The following DOCK3 variants were observed in gnomAD, a reference collection of about 807,000 sequenced individuals.
The protein encoded by DOCK3 is dedicator of cytokinesis protein 3.
A neutral mutation model predicts 265.6 loss-of-function variants in DOCK3; 60 were observed. The observed-to-expected ratio is 0.23, with a 90% CI of 0.18 to 0.28. The LOEUF (loss-of-function observed/expected upper bound fraction) is 0.28, where lower values mean the gene tolerates loss of function less well. Ranked by LOEUF, DOCK3 falls within the 10% of genes least tolerant of loss-of-function variation. The pLI is 1.00. For missense variants in DOCK3, 1,981 were observed against 2,594.3 expected (o/e 0.76, Z 5.14); for synonymous variants, 881 against 938.0 (o/e 0.94, Z 1.11).
intron 5 of DOCK3, among the ~76,000 whole-genome samples, chr3:51,006,015 C>T (rs2078663854): frequency 6.6e-6 from 1 of 152,166 alleles, no homozygotes; most frequent in Non-Finnish European, 1.5e-5. Context: ...TTTTAGTTCA[C>T]TCCAGCTACC....
intron 10 of DOCK3, among the ~76,000 whole-genome samples, chr3:51,152,645 G>A (rs1351217140): frequency 2.6e-5 from 4 of 152,286 alleles, no homozygotes; most frequent in Middle Eastern, 3.4e-3. Flanking sequence ...TCTAACTTTG[G>A]TATTTTATGC....
chr3:50,853,156 A>G (rs549825535), intron 3 of DOCK3, among the ~76,000 whole-genome samples: 1 of 152,268 alleles, frequency 6.6e-6, no homozygotes, highest in Non-Finnish European at 1.5e-5. Context: ...TTTAGTACCT[A>G]TTAATCAACT....
At chr3:50,683,302 A>G (rs2034541900) in intron 1 of DOCK3, among the ~76,000 whole-genome samples, 1 of 152,252 alleles carries the variant, frequency 6.6e-6, no homozygotes, top group South Asian at 2.1e-4. Flanking sequence ...TATTTAGCTC[A>G]TGAGTACAAC....
At chr3:50,781,742 A>G (rs1307334316) in intron 2 of DOCK3, among the ~76,000 whole-genome samples, 2 of 152,076 alleles carry the variant, frequency 1.3e-5, no homozygotes, top group Non-Finnish European at 2.9e-5. Flanking sequence ...TAAGCCTAGT[A>G]TCCATTAGTT....
intron 1 of DOCK3, among the ~76,000 whole-genome samples, chr3:50,683,581 T>C (rs2034562252): frequency 6.6e-6 from 1 of 152,208 alleles, no homozygotes; most frequent in Admixed American, 6.5e-5. Context: ...GTGAACTTGA[T>C]AATGTTTGGG....
chr3:50,677,327 A>AT lies in DOCK3; in HGVS notation c.37+2035dup, dbSNP rs544676984. Among the ~76,000 whole-genome samples the AT allele has an allele frequency of 2.0e-3, 307 of 152,144 alleles. 4 individuals are homozygous for AT. The highest frequency in any genetic ancestry group is 6.3e-3 in the African/African-American group (263 of 41,510). On this transcript the variant is annotated intron_variant, in intron 1 of 52. Transcript: ENST00000266037. ...GTAAATTGTTTAAAACTCAGGACAC[A>AT]TTTTTTTTCATAAGGATGTTAGGGC... is the stretch of plus-strand genomic sequence containing the variant.
chr3:51,158,819 A>C (rs1158094849), intron 10 of DOCK3, among the ~76,000 whole-genome samples: 2 of 152,206 alleles, frequency 1.3e-5, no homozygotes, highest in Non-Finnish European at 2.9e-5. Context: ...AATCAATGTA[A>C]AATTAGTGGA....
At chr3:50,989,327 C>T (rs976059111) in intron 5 of DOCK3, among the ~76,000 whole-genome samples, 1 of 152,148 alleles carries the variant, frequency 6.6e-6, no homozygotes, top group Non-Finnish European at 1.5e-5. Context: ...CTGAGATTGC[C>T]CCAGAGCTAC....
Position 51,380,066 on chromosome 3 carries a change from G to A in DOCK3, c.5501-59G>A, listed in dbSNP as rs1202004143. The stretch of plus-strand genomic sequence containing the variant: ...TGCCCAGTTGGCCCAGCAAGATGGT[G>A]CTGGCATGAAGTCTGTGCAGGGCCC... On this transcript the variant is annotated intron_variant, in intron 51 of 52. Transcript: ENST00000266037. 26 of 1,532,280 alleles carry A rather than the reference G, an allele frequency of 1.7e-5. No homozygotes were observed. The South Asian group carries it at 1.8e-4, about 11-fold the overall frequency. 94.9% of individuals were successfully genotyped at this position (1,532,280 alleles called of 1,614,324 possible).
chr3:50,877,268 AT>A (rs1389843081), intron 3 of DOCK3: 1 of 340,952 alleles, frequency 2.9e-6, no homozygotes, highest in African/African-American at 2.2e-5. Flanking sequence ...TCTTTCTTTG[AT>A]TTCTTACTCT....
In DOCK3 at chr3:51,358,093, T is replaced by C. The variant is rs976458166; in HGVS notation, c.4884+16T>C. On this transcript the variant is annotated intron_variant, in intron 46 of 52. Coordinates refer to ENST00000266037, the MANE Select transcript of DOCK3 (RefSeq NM_004947.5). Reference sequence around the variant, plus strand: ...TCTCTACCATGTAAGTTGATCCCTGTCCTGCCCCTGCTGCAGTAGAACCAG... The same window carrying C: ...TCTCTACCATGTAAGTTGATCCCTGCCCTGCCCCTGCTGCAGTAGAACCAG... The C allele has an allele frequency of 4.3e-6, 7 of 1,610,930 alleles. No homozygotes were observed. The highest frequency in any genetic ancestry group is 5.9e-6 in the Non-Finnish European group (7 of 1,177,778).
chr3:51,358,884 A>T (rs748856766), intron 46 of DOCK3, among the ~76,000 whole-genome samples: 1 of 152,218 alleles, frequency 6.6e-6, no homozygotes, highest in African/African-American at 2.4e-5. Flanking sequence ...CCCTATTCAC[A>T]TATCCAAACC....
At chr3:51,150,082 C>T (rs1478470831) in intron 10 of DOCK3, among the ~76,000 whole-genome samples, 1 of 152,070 alleles carries the variant, frequency 6.6e-6, no homozygotes, top group Non-Finnish European at 1.5e-5. Context: ...GTGTATGTGT[C>T]CAGGAATTTA....
intron 5 of DOCK3, among the ~76,000 whole-genome samples, chr3:51,030,909 T>C (rs904183434): frequency 6.6e-6 from 1 of 152,216 alleles, no homozygotes; most frequent in South Asian, 2.1e-4. Flanking sequence ...AAATCTCTGA[T>C]TGGGAAAATG....
chr3:51,262,417 C>A (rs2079906594), intron 23 of DOCK3, among the ~76,000 whole-genome samples: 1 of 152,174 alleles, frequency 6.6e-6, no homozygotes, highest in Non-Finnish European at 1.5e-5. Flanking sequence ...CGAAGGTCAA[C>A]AACATCAAAC....
chr3:51,248,734 A>C (rs1467731908), intron 22 of DOCK3, among the ~76,000 whole-genome samples: 1 of 141,936 alleles, frequency 7.0e-6, no homozygotes, highest in Non-Finnish European at 1.5e-5. Flanking sequence ...CCGCCATCCC[A>C]TCTAGGAAGT....
chr3:51,154,731 T>C (rs1227248358), intron 10 of DOCK3, among the ~76,000 whole-genome samples: 1 of 152,208 alleles, frequency 6.6e-6, no homozygotes, highest in Non-Finnish European at 1.5e-5. Flanking sequence ...ATGAGTACAG[T>C]CTTTGACTTT....
At chr3:50,920,842 G>T (rs950269618) in intron 4 of DOCK3, among the ~76,000 whole-genome samples, 1 of 152,076 alleles carries the variant, frequency 6.6e-6, no homozygotes, top group Non-Finnish European at 1.5e-5. Flanking sequence ...TGTGATGTTA[G>T]GGTGTCAATT....
chr3:51,286,621 A>G (rs533837324), intron 27 of DOCK3, among the ~76,000 whole-genome samples: 133 of 152,314 alleles, frequency 8.7e-4, no homozygotes, highest in African/African-American at 3.1e-3. Flanking sequence ...AAAAATAGAC[A>G]CATAGACCAA....
Sources: allele counts gnomAD v4.1 joint callset (sites outside exome capture counted in the v4.1 genomes callset), GRCh38; gene constraint gnomAD v4.1.1; transcripts MANE v1.5; gene names NCBI Gene and HGNC (gene_info 2026-07-23, HGNC 2026-07-21).